Variants in ARSB observed in about 807,000 individuals in gnomAD.
ARSB encodes N-acetylgalactosamine-4-sulfatase.
ARSB carries 41 observed loss-of-function variants against 50.9 expected under a neutral mutation model. The ratio of observed to expected loss-of-function variants is 0.81; its 90% CI spans 0.63 to 1.04. ARSB has a LOEUF of 1.04. Ranked by LOEUF, ARSB falls within the 50% of genes least tolerant of loss-of-function variation. The pLI, the probability that ARSB is intolerant of heterozygous loss-of-function variation, is 0.00. For synonymous variants in ARSB, 269 were observed against 284.8 expected (o/e 0.94, Z 0.56); for missense variants, 672 against 693.3 (o/e 0.97, Z 0.35).
Position 78,885,789 on chromosome 5 carries a change from G to C in ARSB, c.937C>G (p.Pro313Ala), listed in dbSNP as rs749989641. The C allele has an allele frequency of 1.9e-5, 30 of 1,614,014 alleles. No individual in the cohort carries two copies. The highest frequency in any genetic ancestry group is 2.5e-5 in the Non-Finnish European group (29 of 1,180,030). The change falls in exon 5 of 8, where the codon CCC (proline) becomes GCC (alanine). Residue 313 changes from proline to alanine, a missense_variant. Coordinates refer to ENST00000264914, the MANE Select transcript of ARSB (RefSeq NM_000046.5). ...GQTLAGGNNW[P>A]LRGRKWSLWE... is the part of the protein sequence containing the mutation. ...AGGCTCCATTTTCTTCCTCGAAGGG[G>C]CCAGTTATTACCCCCTGCCAAAGTC...
intron 5 of ARSB, among the ~76,000 whole-genome samples, chr5:78,880,046 T>C (rs1034598126): frequency 1.3e-5 from 2 of 152,190 alleles, no homozygotes; most frequent in Admixed American, 1.3e-4. Context: ...TGGCCATATC[T>C]TTTGGTTAAA....
chr5:78,853,693 G>C (rs1745979031), intron 5 of ARSB, among the ~76,000 whole-genome samples: 1 of 152,232 alleles, frequency 6.6e-6, no homozygotes, highest in Admixed American at 6.5e-5. Context: ...AGGCCTCCTT[G>C]AGCTGTGGTG....
chr5:78,980,938 CTTTTTTTT>C (rs762385496), intron 1 of ARSB, among the ~76,000 whole-genome samples: 1 of 24,484 alleles, frequency 4.1e-5, no homozygotes, highest in Non-Finnish European at 6.4e-5. Flanking sequence ...ATTTCTAGTT[CTTTTTTTT>C]TTTTTTTTTT....
chr5:78,862,995 G>T lies in ARSB; in HGVS notation c.1142+22589C>A, dbSNP rs111575998. 3.3e-5 allele frequency among the ~76,000 whole-genome samples: 5 copies of T among 152,144 alleles called. No individual in the cohort carries two copies. The South Asian group carries it at 6.2e-4, about 19-fold the overall frequency. ...GAAGACATTTATGCAGCCAACAGAC[G>T]CATGAAAAAAATGCTCATCATCACT... On this transcript the variant is annotated intron_variant, in intron 5 of 7. Coordinates refer to ENST00000264914, the MANE Select transcript of ARSB (RefSeq NM_000046.5).
At chr5:78,848,931 ATTTG>A (rs1485129609) in intron 5 of ARSB, among the ~76,000 whole-genome samples, 2 of 151,832 alleles carry the variant, frequency 1.3e-5, no homozygotes, top group Non-Finnish European at 2.9e-5. Flanking sequence ...TTTCTCGTAA[ATTTG>A]TTTGAGTTCA....
intron 6 of ARSB, among the ~76,000 whole-genome samples, chr5:78,794,718 C>T (rs147277824): frequency 6.6e-6 from 1 of 152,300 alleles, no homozygotes; most frequent in African/African-American, 2.4e-5. Context: ...GCTTGTCCAA[C>T]TTTTCCAAAA....
chr5:78,866,963 A>G (rs972276283), intron 5 of ARSB, among the ~76,000 whole-genome samples: 3 of 152,196 alleles, frequency 2.0e-5, no homozygotes, highest in African/African-American at 4.8e-5. Context: ...GGGTGCGCAC[A>G]CCGTGCGCGA....
At chr5:78,845,497 GGTGGA>G (rs1745406164) in intron 5 of ARSB, among the ~76,000 whole-genome samples, 1 of 151,992 alleles carries the variant, frequency 6.6e-6, no homozygotes, top group Admixed American at 6.6e-5. Context: ...TCTCACCAGT[GGTGGA>G]TAAGAGTACC....
intron 1 of ARSB, among the ~76,000 whole-genome samples, chr5:78,982,729 T>C (rs1299819351): frequency 6.6e-6 from 1 of 152,248 alleles, no homozygotes; most frequent in Non-Finnish European, 1.5e-5. Context: ...CGGAGACTCC[T>C]GAGCCTTCCC....
intron 5 of ARSB, among the ~76,000 whole-genome samples, chr5:78,841,841 C>G (rs1399913118): frequency 6.6e-6 from 1 of 152,108 alleles, no homozygotes; most frequent in African/African-American, 2.4e-5. Context: ...GCAGAATCAT[C>G]ATGATGCAAA....
chr5:78,910,741 T>C (rs1580048733), intron 4 of ARSB, among the ~76,000 whole-genome samples: 1 of 152,294 alleles, frequency 6.6e-6, no homozygotes, highest in Non-Finnish European at 1.5e-5. Flanking sequence ...AAAATCCAAC[T>C]ATCTGAAAAT....
At chr5:78,911,505 C>T (rs1263101557) in intron 4 of ARSB, among the ~76,000 whole-genome samples, 3 of 130,200 alleles carry the variant, frequency 2.3e-5, no homozygotes, top group Non-Finnish European at 4.7e-5. Context: ...AACCAGGAGG[C>T]GGAGGTTGCA....
rs140573644 is a variant in ARSB at position 78,895,150 on chromosome 5, C to T, written c.899-9323G>A. Among the ~76,000 whole-genome samples the T allele has an allele frequency of 2.6e-3, 391 of 152,346 alleles. 1 individual carries two copies. The highest frequency in any genetic ancestry group is 7.5e-3 in the African/African-American group (310 of 41,572). Reference sequence around the variant, plus strand: ...AACTCAGGACCTATTCAGTCTCAGACGCAATTCTAGCAATATGTGCGGTGT... The same window carrying T: ...AACTCAGGACCTATTCAGTCTCAGATGCAATTCTAGCAATATGTGCGGTGT... On this transcript the variant is annotated intron_variant, in intron 4 of 7. Transcript: ENST00000264914.
chr5:78,926,718 A>T (rs955969690), intron 4 of ARSB, among the ~76,000 whole-genome samples: 1 of 152,160 alleles, frequency 6.6e-6, no homozygotes, highest in Non-Finnish European at 1.5e-5. Flanking sequence ...TGCAAGAGAA[A>T]ATCTTCAACA....
In ARSB at chr5:78,806,926, G is replaced by A. The variant is rs183153673; in HGVS notation, c.1214-24952C>T. Among the ~76,000 whole-genome samples, 599 of 152,238 alleles carry A rather than the reference G, an allele frequency of 3.9e-3. 3 individuals carry two copies. The highest frequency in any genetic ancestry group is 5.1e-3 in the Non-Finnish European group (347 of 68,006). On this transcript the variant is annotated intron_variant, in intron 6 of 7. Coordinates refer to ENST00000264914, the MANE Select transcript of ARSB (RefSeq NM_000046.5). ...AGACTCCACCAGCTGGCATGCTCTCGCCATGCTTACTCTTCCGCTCCCTGT... is the reference window on the plus strand; with the variant it reads ...AGACTCCACCAGCTGGCATGCTCTCACCATGCTTACTCTTCCGCTCCCTGT...
Position 78,985,075 on chromosome 5 carries a change from GT to G in ARSB, c.173del (p.Asn58ThrfsTer56), listed in dbSNP as rs1180759765. ...VFLLADDLGW[N>X]DVGFHGSRIR... ...TGCGGGAGCCGTGGAAGCCGACGTC[GT>G]TCCAGCCTAGGTCGTCTGCCAGCAA... On this transcript the variant is annotated frameshift_variant, in exon 1 of 8. Coordinates refer to ENST00000264914, the MANE Select transcript of ARSB (RefSeq NM_000046.5). LOFTEE classifies it high-confidence loss of function. 6.5e-7 allele frequency: 1 copy of G among 1,542,972 alleles called. No homozygotes were observed. Among genetic ancestry groups the G allele is most frequent in the African/African-American group, 1.4e-5 (1 of 70,152 alleles).
At position 78,969,115 on chromosome 5, in the gene ARSB, G is replaced by A; in HGVS notation, c.390C>T (p.Pro130=). ...TATAACCTGCTTCTTTTAGGAGCTG[G>A]GGCAGGAGTTTTTCATCCAGAGGAA... The part of the protein sequence containing the change: ...SCVPLDEKLL[P]QLLKEAGYTT... The change falls in exon 2 of 8, where the codon CCC becomes CCT. Residue 130 remains proline (P), a synonymous_variant. Transcript: ENST00000264914. 1 of 1,614,180 alleles carries A rather than the reference G, an allele frequency of 6.2e-7. No individual in the cohort carries two copies. Among genetic ancestry groups the A allele is most frequent in the Non-Finnish European group, 8.5e-7 (1 of 1,180,030 alleles).
In ARSB at chr5:78,780,136, C is replaced by G. The variant is rs1748881138; in HGVS notation, c.*261G>C. ...AACTTCCTATTTCAAGTTAAGTTCC[C>G]AGCTGTCCCAAGGCTTAGGAAAGGG... On this transcript the variant is annotated 3_prime_UTR_variant, in exon 8 of 8. Transcript: ENST00000264914. 2.1e-6 allele frequency: 1 copy of G among 482,412 alleles called. No individual in the cohort carries two copies. Among genetic ancestry groups the G allele is most frequent in the African/African-American group, 2.0e-5 (1 of 51,242 alleles). The allele number at this position is 482,412 out of a possible 1,614,324, so 29.9% of individuals were successfully genotyped here.
At chr5:78,969,883 T>A (rs1278882516) in intron 1 of ARSB, among the ~76,000 whole-genome samples, 1 of 152,234 alleles carries the variant, frequency 6.6e-6, no homozygotes, top group Non-Finnish European at 1.5e-5. Flanking sequence ...CCTCCCAATG[T>A]GTTGGGATTA....
Sources: gnomAD v4.1 joint callset for allele counts (sites outside exome capture counted in the v4.1 genomes callset) on GRCh38, gnomAD v4.1.1 for gene constraint, MANE v1.5 for transcripts, NCBI Gene and HGNC (gene_info 2026-07-23, HGNC 2026-07-21) for gene names.